The following LARGE1 variants were observed in gnomAD, a reference collection of about 807,000 sequenced individuals.
LARGE1 encodes the protein LARGE xylosyl- and glucuronyltransferase 1, also known as xylosyl- and glucuronyltransferase LARGE1.
Under a neutral mutation model 87.6 loss-of-function variants are expected in LARGE1, and 43 were observed. That is an observed-to-expected ratio of 0.49 (90% CI 0.38 to 0.63). The LOEUF (loss-of-function observed/expected upper bound fraction) is 0.63. Among genes scored for constraint, LARGE1 ranks in the 30% least tolerant of loss-of-function variants. The probability of loss-of-function intolerance (pLI) is 0.00; values close to 1 mark genes in which losing one functional copy is unlikely to be tolerated. For missense variants in LARGE1, 802 were observed against 1,000.2 expected (o/e 0.80, Z 2.67); for synonymous variants, 434 against 394.6 (o/e 1.10, Z -1.18).
At chr22:33,360,391 C>A (rs1026504341) in intron 9 of LARGE1, among the ~76,000 whole-genome samples, 3 of 149,514 alleles carry the variant, frequency 2.0e-5, no homozygotes, top group African/African-American at 7.4e-5. Flanking sequence ...GCAGGCTGTA[C>A]AGGAAGCATA....
chr22:33,210,250 G>T (rs778103684), intron 11 of LARGE1, among the ~76,000 whole-genome samples: 7 of 152,246 alleles, frequency 4.6e-5, no homozygotes, highest in Non-Finnish European at 7.3e-5. Context: ...AGGCCTTTGG[G>T]GCGTGTATCC....
At chr22:33,311,456 T>C (rs148735871) in intron 11 of LARGE1, among the ~76,000 whole-genome samples, 3 of 152,356 alleles carry the variant, frequency 2.0e-5, no homozygotes, top group African/African-American at 4.8e-5. Context: ...GCAAATTCTA[T>C]AGCCAGCAGA....
intron 1 of LARGE1, among the ~76,000 whole-genome samples, chr22:33,815,266 C>T (rs2086616452): frequency 6.6e-6 from 1 of 152,172 alleles, no homozygotes; most frequent in African/African-American, 2.4e-5. Flanking sequence ...CTAGAACTTC[C>T]TCCGGTCCTC....
intron 6 of LARGE1, among the ~76,000 whole-genome samples, chr22:33,441,446 C>T (rs1201407419): frequency 6.6e-6 from 1 of 151,922 alleles, no homozygotes; most frequent in African/African-American, 2.4e-5. Context: ...TAATCTCTCT[C>T]TTTCTCTCTC....
At chr22:33,769,962 T>G (rs1601574865) in intron 1 of LARGE1, among the ~76,000 whole-genome samples, 1 of 152,184 alleles carries the variant, frequency 6.6e-6, no homozygotes, top group African/African-American at 2.4e-5. Flanking sequence ...CAGGTTATAG[T>G]AATTTACTTC....
At chr22:33,392,457 G>A (rs1429003336) in intron 7 of LARGE1, among the ~76,000 whole-genome samples, 8 of 152,084 alleles carry the variant, frequency 5.3e-5, no homozygotes, top group Admixed American at 1.3e-4. Flanking sequence ...TCAGGAGTTC[G>A]AGACCAGCCT....
intron 7 of LARGE1, among the ~76,000 whole-genome samples, chr22:33,420,746 A>T (rs900711399): frequency 2.0e-5 from 3 of 152,224 alleles, no homozygotes; most frequent in African/African-American, 7.2e-5. Context: ...ATGCATGTTT[A>T]ATTTCTGTCC....
intron 11 of LARGE1, among the ~76,000 whole-genome samples, chr22:33,203,167 C>CAGAG (rs373832299): frequency 7.0e-6 from 1 of 142,248 alleles, no homozygotes; most frequent in South Asian, 2.3e-4. Flanking sequence ...GACAGACAGA[C>CAGAG]AGAGAGAGGC....
chr22:33,636,695 G>A (rs1463388157), intron 3 of LARGE1, among the ~76,000 whole-genome samples: 1 of 151,662 alleles, frequency 6.6e-6, no homozygotes, highest in African/African-American at 2.4e-5. Context: ...GCCCAGCTAA[G>A]TTTTGTATTT....
intron 5 of LARGE1, among the ~76,000 whole-genome samples, chr22:33,593,516 T>C (rs570382308): frequency 6.6e-6 from 1 of 152,352 alleles, no homozygotes; most frequent in South Asian, 2.1e-4. Context: ...GCGGGATTTT[T>C]ATTCTTCCAA....
chr22:33,413,135 T>C (rs934890157), intron 7 of LARGE1, among the ~76,000 whole-genome samples: 2 of 152,026 alleles, frequency 1.3e-5, no homozygotes, highest in East Asian at 1.9e-4. Flanking sequence ...TTTTAAAAAA[T>C]AGTCTAAAAT....
upstream of LARGE1, among the ~76,000 whole-genome samples, chr22:33,921,013 T>G (rs142702048): frequency 6.2e-3 from 930 of 149,880 alleles, 12 homozygotes; most frequent in African/African-American, 0.021. The surrounding 1 kb of genome is among the most constrained non-coding windows in gnomAD (Gnocchi z 4.1). Context: ...AGTGACTGTG[T>G]GTCTGTGTCA....
At position 33,750,824 on chromosome 22, in the gene LARGE1, C is replaced by T. The variant is rs116414518; in HGVS notation, c.106+10547G>A. 362 of 152,230 alleles carry T rather than the reference C, an allele frequency of 2.4e-3. 1 individual carries two copies. The highest frequency in any genetic ancestry group is 8.3e-3 in the African/African-American group (343 of 41,544). 9.4% of individuals were successfully genotyped at this position (152,230 alleles called of 1,614,324 possible). A position where few individuals can be genotyped will look rare whatever the true frequency, so the allele number is the denominator to read the frequency against. On this transcript the variant is annotated intron_variant, in intron 2 of 14. Transcript: ENST00000397394. Reference sequence around the variant, plus strand: ...TAAATTTCAGATCTTGAAATCAGTGCTGTGATCCACTCTCATAGGGTGAAT... The same window carrying T: ...TAAATTTCAGATCTTGAAATCAGTGTTGTGATCCACTCTCATAGGGTGAAT...
chr22:33,327,646 C>T (rs1937357226), intron 10 of LARGE1, among the ~76,000 whole-genome samples: 1 of 152,152 alleles, frequency 6.6e-6, no homozygotes. Flanking sequence ...GCCTCGACCT[C>T]CCAGGCTCAA....
chr22:33,235,446 G>T (rs1030081957), intron 11 of LARGE1, among the ~76,000 whole-genome samples: 3 of 152,240 alleles, frequency 2.0e-5, no homozygotes, highest in Admixed American at 6.5e-5. Context: ...TAGTTCCAAG[G>T]CCCCGAGTTT....
At chr22:33,243,258 TA>T (rs1926604244) in intron 11 of LARGE1, among the ~76,000 whole-genome samples, 2 of 152,268 alleles carry the variant, frequency 1.3e-5, no homozygotes, top group African/African-American at 4.8e-5. Flanking sequence ...TATTTAGATA[TA>T]ATTTATGTAT....
chr22:33,165,620 C>G (rs564889297), exon 12 of LARGE1: 3 of 152,296 alleles, frequency 2.0e-5, no homozygotes, highest in Admixed American at 1.3e-4. Flanking sequence ...AGCGAGGACA[C>G]TGGGTTATTC....
chr22:33,371,900 T>C (rs528968827), intron 9 of LARGE1, among the ~76,000 whole-genome samples: 1 of 151,574 alleles, frequency 6.6e-6, no homozygotes, highest in South Asian at 2.1e-4. Flanking sequence ...AGGAGAATGT[T>C]GTGAATGTGG....
intron 11 of LARGE1, among the ~76,000 whole-genome samples, chr22:33,244,877 G>A (rs911858330): frequency 3.9e-5 from 6 of 152,008 alleles, no homozygotes; most frequent in Non-Finnish European, 2.9e-5. Context: ...CTTGAACAGT[G>A]GCAAAAACAA....
Sources: gnomAD v4.1 joint callset for allele counts (sites outside exome capture counted in the v4.1 genomes callset) on GRCh38, gnomAD v4.1.1 for gene constraint, Gnocchi (gnomAD v3.1) non-coding constraint, MANE v1.5 for transcripts, NCBI Gene and HGNC (gene_info 2026-07-23, HGNC 2026-07-21) for gene names.